Variants in GLRA2 observed in about 807,000 individuals in gnomAD.
GLRA2 encodes the protein glycine receptor subunit alpha-2.
In GLRA2, 11 loss-of-function variants were observed where a neutral mutation model predicts 31.6. That is an observed-to-expected ratio of 0.35 (90% CI 0.22 to 0.58). The LOEUF is 0.58. Among genes scored for constraint, GLRA2 ranks in the 20% least tolerant of loss-of-function variants. The pLI is 0.84. For synonymous variants in GLRA2, 132 were observed against 134.0 expected, an observed-to-expected ratio of 0.99 and a Z score of 0.10; for missense variants, 212 against 351.8, an observed-to-expected ratio of 0.60 and a Z score of 3.18.
chrX:14,646,379 T>G (rs2238915), intron 7 of GLRA2, among the ~76,000 whole-genome samples: 25,639 of 111,156 alleles, frequency 0.23, 2,217 homozygotes, highest in Middle Eastern at 0.27. Flanking sequence ...ATTCTTTACC[T>G]GATTAATATT....
At chrX:14,544,710 G>T (rs1467977997) in intron 2 of GLRA2, among the ~76,000 whole-genome samples, 1 of 111,480 alleles carries the variant, frequency 9.0e-6, no homozygotes, top group East Asian at 2.8e-4. Context: ...ATTGAAAATT[G>T]TTTGCAATGA....
At chrX:14,469,445 C>T in the GLRA2 span, among the ~76,000 whole-genome samples, 365 of 108,364 alleles carry the variant, frequency 3.4e-3, 2 homozygotes, top group African/African-American at 0.012. Flanking sequence ...GGAACCAACC[C>T]AAATGTCCAA....
chrX:14,674,582 T>C (rs1342264448), intron 7 of GLRA2, among the ~76,000 whole-genome samples: 1 of 111,987 alleles, frequency 8.9e-6, no homozygotes, highest in African/African-American at 3.2e-5. Context: ...GCCCCTACTT[T>C]GATATGAAGA....
intron 8 of GLRA2, among the ~76,000 whole-genome samples, chrX:14,719,215 C>T (rs1229746722): frequency 1.8e-5 from 2 of 111,831 alleles, no homozygotes; most frequent in African/African-American, 6.5e-5. Flanking sequence ...CTATAAAAGA[C>T]TTCAATGGGT....
chrX:14,520,345 T>G, the GLRA2 span, among the ~76,000 whole-genome samples: 1 of 112,492 alleles, frequency 8.9e-6, no homozygotes, highest in African/African-American at 3.2e-5. Flanking sequence ...TCTTTAGAAT[T>G]GTAGCAAAGG....
Position 14,547,526 on chromosome X carries a change from TATAAG to T in GLRA2, c.202+15156_202+15160del, listed in dbSNP as rs769263168. 6.2e-3 allele frequency among the ~76,000 whole-genome samples: 692 copies of T among 111,340 alleles called. 4 individuals carry two copies. Among genetic ancestry groups the T allele is most frequent in the African/African-American group, 0.021 (645 of 30,705 alleles). The stretch of plus-strand genomic sequence containing the variant: ...TAAGAATAAGCAATCAGGGGAGACA[TATAAG>T]AGAGTGAGGAAATGAGACAAAGAAG... On this transcript the variant is annotated intron_variant, in intron 2 of 8. Transcript: ENST00000218075.
chrX:14,552,414 C>T (rs1010452932), intron 2 of GLRA2, among the ~76,000 whole-genome samples: 3 of 112,295 alleles, frequency 2.7e-5, no homozygotes, highest in Non-Finnish European at 5.6e-5. Context: ...CATTTGTTCT[C>T]TACAAAATTG....
chrX:14,687,477 A>G (rs2091292312), intron 7 of GLRA2, among the ~76,000 whole-genome samples: 1 of 111,461 alleles, frequency 9.0e-6, no homozygotes, highest in Non-Finnish European at 1.9e-5. Flanking sequence ...ACATAGTCTC[A>G]TATTTCTTGG....
At chrX:14,672,199 A>G (rs1400372204) in intron 7 of GLRA2, among the ~76,000 whole-genome samples, 1 of 112,267 alleles carries the variant, frequency 8.9e-6, no homozygotes, top group African/African-American at 3.2e-5. Flanking sequence ...TCTCTCTAAC[A>G]CAGCCTTGCT....
intron 1 of GLRA2, chrX:14,531,065 G>A: frequency 1.0e-6 from 1 of 968,605 alleles, no homozygotes; most frequent in South Asian, 2.0e-5. Context: ...CTATGATTAA[G>A]AAAAAATATA....
At chrX:14,615,720 C>T (rs1017197377) in intron 7 of GLRA2, among the ~76,000 whole-genome samples, 1 of 111,223 alleles carries the variant, frequency 9.0e-6, no homozygotes, top group African/African-American at 3.3e-5. Flanking sequence ...TTGGGCTACA[C>T]TTTTAAAATA....
intron 4 of GLRA2, among the ~76,000 whole-genome samples, chrX:14,597,192 G>A (rs1233943022): frequency 1.8e-5 from 2 of 111,419 alleles, no homozygotes; most frequent in East Asian, 2.8e-4. Context: ...AAGATTCAAC[G>A]GATCAACATG....
chrX:14,482,368 A>G, the GLRA2 span, among the ~76,000 whole-genome samples: 68 of 111,511 alleles, frequency 6.1e-4, no homozygotes, highest in Non-Finnish European at 1.1e-3. Flanking sequence ...AGGATGCTCT[A>G]ATATGTTCAT....
the GLRA2 span, among the ~76,000 whole-genome samples, chrX:14,463,608 G>C: frequency 4.5e-5 from 5 of 111,087 alleles, no homozygotes. Flanking sequence ...AAGCTCCTGT[G>C]TCCCAGGTCG....
intron 7 of GLRA2, among the ~76,000 whole-genome samples, chrX:14,639,291 C>A (rs766912254): frequency 5.4e-5 from 6 of 111,293 alleles, no homozygotes; most frequent in Non-Finnish European, 1.1e-4. Context: ...ACACTGTAGA[C>A]CTTATCCCTC....
intron 7 of GLRA2, among the ~76,000 whole-genome samples, chrX:14,637,725 T>C (rs1346518885): frequency 8.9e-6 from 1 of 111,989 alleles, no homozygotes; most frequent in Non-Finnish European, 1.9e-5. Context: ...GGGCATGTAA[T>C]ACATTGTATA....
At chrX:14,470,445 C>T in the GLRA2 span, among the ~76,000 whole-genome samples, 1 of 111,752 alleles carries the variant, frequency 8.9e-6, no homozygotes, top group Admixed American at 9.5e-5. Flanking sequence ...TTTAATTTGA[C>T]TCTAGGAATT....
the GLRA2 span, among the ~76,000 whole-genome samples, chrX:14,472,291 C>T: frequency 8.9e-6 from 1 of 112,390 alleles, no homozygotes; most frequent in Non-Finnish European, 1.9e-5. Flanking sequence ...TCCCTGCTTC[C>T]AGATTCTTTT....
the GLRA2 span, among the ~76,000 whole-genome samples, chrX:14,490,461 C>T: frequency 1.2e-4 from 14 of 112,138 alleles, no homozygotes; most frequent in African/African-American, 4.5e-4. Context: ...AAAAATAGTA[C>T]AATCTGATAT....
Sources: gnomAD v4.1 joint callset for allele counts (sites outside exome capture counted in the v4.1 genomes callset) on GRCh38, gnomAD v4.1.1 for gene constraint, MANE v1.5 for transcripts, NCBI Gene and HGNC (gene_info 2026-07-23, HGNC 2026-07-21) for gene names.